Variants in PREP observed in about 807,000 individuals in gnomAD.
PREP encodes the protein dJ355L5.1 (prolyl endopeptidase).
A neutral mutation model predicts 87.6 loss-of-function variants in PREP; 29 were observed. The observed-to-expected ratio is 0.33, with a 90% CI of 0.25 to 0.45. PREP has a LOEUF of 0.45. Ranked by LOEUF, PREP falls within the 20% of genes least tolerant of loss-of-function variation. PREP has a pLI of 1.00. For missense variants in PREP, 695 were observed against 886.5 expected (o/e 0.78, Z 2.74); for synonymous variants, 337 against 328.6 (o/e 1.03, Z -0.28).
At chr6:105,377,170 T>C (rs1772706735) in intron 3 of PREP, among the ~76,000 whole-genome samples, 1 of 152,220 alleles carries the variant, frequency 6.6e-6, no homozygotes, top group African/African-American at 2.4e-5. Flanking sequence ...GATTTCTTTA[T>C]ATGACCTATC....
chr6:105,367,443 G>A (rs1562218260), intron 6 of PREP, among the ~76,000 whole-genome samples: 4 of 152,142 alleles, frequency 2.6e-5, no homozygotes, highest in Admixed American at 1.3e-4. Context: ...GGAGGCCGAA[G>A]CGGGCGGATC....
At position 105,328,934 on chromosome 6, in the gene PREP, C is replaced by T. The variant is rs369849841; in HGVS notation, c.1108G>A (p.Ala370Thr). ...TCGAGCGGGAAGGTCTTAAGGAGAG[C>T]ACCAGTAGTCAGGTCATGGAGCTGC... ...ILQLHDLTTGALLKTFPLDVG... is the reference protein window; with the variant it reads ...ILQLHDLTTGTLLKTFPLDVG... Residue 370 changes from alanine to threonine, a missense_variant, in exon 9 of 15, where the codon GCT becomes ACT. This residue lies in a region of PREP where 517 missense variants were observed against 620.3 expected (regional missense o/e 0.83). Transcript: ENST00000652536. The T allele has an allele frequency of 5.0e-6, 8 of 1,614,170 alleles. No individual in the cohort carries two copies. Among genetic ancestry groups the T allele is most frequent in the Non-Finnish European group, 6.8e-6 (8 of 1,180,028 alleles).
chr6:105,290,345 T>C (rs1168534005), intron 10 of PREP, among the ~76,000 whole-genome samples: 1 of 152,172 alleles, frequency 6.6e-6, no homozygotes, highest in African/African-American at 2.4e-5. Flanking sequence ...CACAGCACTA[T>C]ACCCGCAGAG....
chr6:105,373,244 C>T, intron 5 of PREP, 125 bp downstream of exon 5: 1 of 1,050,940 alleles, frequency 9.5e-7, no homozygotes. Context: ...ACTGATACAA[C>T]ATCCTTTGAG....
rs571325211 is a variant in PREP at position 105,350,253 on chromosome 6, C to T, written c.823+2719G>A. ...GGAATACTTGAGAACTCACTGCATG[C>T]CAGAAACCCTGCTAAGTCCTTTTCT... On this transcript the variant is annotated intron_variant, in intron 7 of 14. Coordinates refer to ENST00000652536, the MANE Select transcript of PREP (RefSeq NM_002726.5). 1.6e-4 allele frequency among the ~76,000 whole-genome samples: 24 copies of T among 152,114 alleles called. 1 individual carries two copies. The highest frequency in any genetic ancestry group is 4.6e-4 in the Admixed American group (7 of 15,278).
chr6:105,340,893 G>T (rs994896534), intron 7 of PREP, among the ~76,000 whole-genome samples: 10 of 152,174 alleles, frequency 6.6e-5, no homozygotes, highest in Non-Finnish European at 4.4e-5. Flanking sequence ...CATAAAGCAA[G>T]TCCTTAGAGA....
chr6:105,294,891 C>T (rs1192117313), intron 10 of PREP, among the ~76,000 whole-genome samples: 1 of 152,182 alleles, frequency 6.6e-6, no homozygotes, highest in Non-Finnish European at 1.5e-5. Context: ...GTCAGCATCG[C>T]TTGGGCTTTC....
intron 2 of PREP, among the ~76,000 whole-genome samples, chr6:105,383,402 C>A (rs1200650041): frequency 1.3e-5 from 2 of 152,166 alleles, no homozygotes; most frequent in Non-Finnish European, 2.9e-5. Flanking sequence ...ATGCCATTAA[C>A]CTCACCACAT....
intron 7 of PREP, among the ~76,000 whole-genome samples, chr6:105,338,745 G>A (rs773922651): frequency 1.3e-5 from 2 of 152,208 alleles, no homozygotes; most frequent in South Asian, 2.1e-4. Flanking sequence ...ATTATATCCC[G>A]CCCCTGGCTC....
At chr6:105,280,203 T>C (rs908633951) in intron 14 of PREP, among the ~76,000 whole-genome samples, 4 of 152,134 alleles carry the variant, frequency 2.6e-5, no homozygotes, top group African/African-American at 9.7e-5. Context: ...GGCTGAAGCA[T>C]GAGAACTGAG....
intron 9 of PREP, among the ~76,000 whole-genome samples, chr6:105,324,634 T>C (rs1771100740): frequency 6.6e-6 from 1 of 152,074 alleles, no homozygotes; most frequent in African/African-American, 2.4e-5. Flanking sequence ...ATATGAAAAA[T>C]TGATTTAGTG....
At chr6:105,336,578 T>G (rs1771485148) in intron 7 of PREP, among the ~76,000 whole-genome samples, 1 of 152,232 alleles carries the variant, frequency 6.6e-6, no homozygotes, top group Non-Finnish European at 1.5e-5. Context: ...AACCTTTTAT[T>G]GAAGTATTAT....
chr6:105,337,194 G>A (rs1771505213), intron 7 of PREP, among the ~76,000 whole-genome samples: 1 of 152,154 alleles, frequency 6.6e-6, no homozygotes, highest in Non-Finnish European at 1.5e-5. Context: ...TCATGCTGGT[G>A]AATTTCTTCA....
At chr6:105,392,389 C>T (rs899959612) in intron 2 of PREP, among the ~76,000 whole-genome samples, 3 of 152,142 alleles carry the variant, frequency 2.0e-5, no homozygotes, top group Non-Finnish European at 4.4e-5. Flanking sequence ...TTCATGCTAA[C>T]GCTACCATGG....
Position 105,339,764 on chromosome 6 carries a change from G to A in PREP, c.824-6259C>T, listed in dbSNP as rs143749406. Among the ~76,000 whole-genome samples the A allele has an allele frequency of 8.9e-3, 1,350 of 152,254 alleles. 15 individuals are homozygous for A. The highest frequency in any genetic ancestry group is 0.015 in the Non-Finnish European group (1,028 of 68,014). On this transcript the variant is annotated intron_variant, in intron 7 of 14. Transcript: ENST00000652536. ...ATGCACAAGCTTCAGTAGCCGATTC[G>A]ATCAAGTGGAAGAAAGGGTATCAGT...
At chr6:105,385,012 T>A (rs1351460551) in intron 2 of PREP, among the ~76,000 whole-genome samples, 1 of 152,124 alleles carries the variant, frequency 6.6e-6, no homozygotes, top group African/African-American at 2.4e-5. Flanking sequence ...AGTAATAAAG[T>A]GTCCTAACAC....
chr6:105,342,594 T>C, intron 7 of PREP, among the ~76,000 whole-genome samples: 1 of 152,136 alleles, frequency 6.6e-6, no homozygotes. Flanking sequence ...AGTCAAAATA[T>C]CCCTGTTTGC....
At chr6:105,305,555 CA>C (rs938956076) in intron 10 of PREP, among the ~76,000 whole-genome samples, 3 of 151,960 alleles carry the variant, frequency 2.0e-5, no homozygotes, top group Non-Finnish European at 2.9e-5. Flanking sequence ...AAAAACGGGG[CA>C]GGGGGGACAT....
chr6:105,336,024 G>T (rs1223589485), intron 7 of PREP, among the ~76,000 whole-genome samples: 1 of 152,220 alleles, frequency 6.6e-6, no homozygotes, highest in Non-Finnish European at 1.5e-5. Context: ...TCGGGAGGCC[G>T]AGGCAGGTGG....
Sources: allele counts gnomAD v4.1 joint callset (sites outside exome capture counted in the v4.1 genomes callset), GRCh38; gene constraint gnomAD v4.1.1; regional missense constraint gnomAD v4.1.1; transcripts MANE v1.5; gene names NCBI Gene and HGNC (gene_info 2026-07-23, HGNC 2026-07-21).